Variants in TEFM observed in about 807,000 individuals in gnomAD.
TEFM encodes transcription elongation factor, mitochondrial.
TEFM carries 14 observed loss-of-function variants against 23.0 expected under a neutral mutation model. The ratio of observed to expected loss-of-function variants is 0.61; its 90% CI spans 0.40 to 0.95. The LOEUF (loss-of-function observed/expected upper bound fraction) is 0.95. Among genes scored for constraint, TEFM ranks in the 40% least tolerant of loss-of-function variants. The probability of loss-of-function intolerance (pLI) is 0.00; values close to 1 mark genes in which losing one functional copy is unlikely to be tolerated. For missense variants in TEFM, 386 were observed against 425.5 expected (o/e 0.91, Z 0.82); for synonymous variants, 155 against 158.3 (o/e 0.98, Z 0.16).
chr17:30,906,095 C>T (rs1227002876), intron 1 of TEFM, 73 bp downstream of exon 1: 2 of 1,412,360 alleles, frequency 1.4e-6, no homozygotes, highest in African/African-American at 3.0e-5. Context: ...TACCTCCCGC[C>T]GTATTCCATT....
intron 2 of TEFM, among the ~76,000 whole-genome samples, chr17:30,903,262 C>A (rs1463267530): frequency 7.9e-6 from 1 of 127,306 alleles, no homozygotes; most frequent in Non-Finnish European, 1.6e-5. Flanking sequence ...GAGTCTTGCT[C>A]TGTAGCCAGG....
At chr17:30,900,691 T>C (rs1038895406) in intron 2 of TEFM, 129 bp from the exon 3 acceptor site, 5 of 770,562 alleles carry the variant, frequency 6.5e-6, no homozygotes, top group Non-Finnish European at 9.9e-6. Context: ...AAGCTCCACC[T>C]TCTGGGTTCA....
intron 2 of TEFM, among the ~76,000 whole-genome samples, chr17:30,903,097 C>G (rs1910077172): frequency 7.5e-5 from 10 of 132,930 alleles, no homozygotes; most frequent in Admixed American, 6.6e-4. Flanking sequence ...GAGATCATGC[C>G]ACTGTACTCC....
In TEFM at chr17:30,904,178, T is replaced by G; in HGVS notation, c.383A>C (p.Gln128Pro). The G allele has an allele frequency of 6.2e-7, 1 of 1,614,194 alleles. No individual in the cohort carries two copies. The highest frequency in any genetic ancestry group is 2.2e-5 in the East Asian group (1 of 44,888). Reference protein sequence around the residue: ...VPLFKYKSTVQVCNSILCPKT... With the variant: ...VPLFKYKSTVPVCNSILCPKT... ...TGGACAAAGTATGGAGTTACAAACT[T>G]GAACTGTACTTTTATACTTAAACAA... The change falls in exon 2 of 4, where the codon CAA (glutamine) becomes CCA (proline). Residue 128 changes from glutamine (Q) to proline (P), a missense_variant. Transcript: ENST00000581216.
rs950198891 is a variant in TEFM at position 30,904,279 on chromosome 17, T to C, written c.282A>G (p.Arg94=). The C allele has an allele frequency of 1.9e-6, 3 of 1,614,108 alleles. No homozygotes were observed. The highest frequency in any genetic ancestry group is 2.2e-5 in the East Asian group (1 of 44,902). The change falls in exon 2 of 4, where the codon AGA becomes AGG. Residue 94 remains arginine (R), a synonymous_variant. Transcript: ENST00000581216. ...TGTGCTCTACGATATTGATGGACCT[T>C]CTTCCACGAAGCAATCGGAAAGCTT... The part of the protein sequence containing the change: ...ELEAFRLLRG[R]RSINIVEHRE...
chr17:30,899,740 C>A, intron 3 of TEFM, 134 bp from the exon 4 acceptor site: 1 of 614,514 alleles, frequency 1.6e-6, no homozygotes. Context: ...TTTGAAATAA[C>A]TGAAAAAGCC....
intron 2 of TEFM, among the ~76,000 whole-genome samples, chr17:30,903,728 C>T (rs1400102733): frequency 3.9e-5 from 6 of 152,088 alleles, no homozygotes; most frequent in African/African-American, 9.7e-5. Flanking sequence ...GTATCTCCAA[C>T]GACACTCCTC....
chr17:30,903,645 C>T (rs1277647190), intron 2 of TEFM, among the ~76,000 whole-genome samples: 3 of 151,532 alleles, frequency 2.0e-5, no homozygotes, highest in African/African-American at 7.3e-5. Context: ...GTTCTAAAGT[C>T]ACTCACTGGC....
rs937943158 is a variant in TEFM, at chr17:30,899,542, G to C, written c.710C>G (p.Ser237Cys). The change falls in exon 4 of 4, where the codon TCC (serine) becomes TGC (cysteine). Residue 237 changes from serine (S) to cysteine (C), a missense_variant. Transcript: ENST00000581216. ...DFYVLEKTGLSIQNSSLFPIL... is the reference protein window; with the variant it reads ...DFYVLEKTGLCIQNSSLFPIL... ...TGGAAACAGAGATGAGTTCTGAATG[G>C]AAAGTCCTGTTTTTTCCAGAACATA... 6.2e-7 allele frequency: 1 copy of C among 1,605,378 alleles called. No homozygotes were observed. Among genetic ancestry groups the C allele is most frequent in the African/African-American group, 1.3e-5 (1 of 74,570 alleles).
At chr17:30,899,822 T>G (rs1206887050) in intron 3 of TEFM, 1 of 380,814 alleles carries the variant, frequency 2.6e-6, no homozygotes, top group Admixed American at 4.1e-5. Flanking sequence ...TTAGTCCTCC[T>G]AAGTACCAGT....
chr17:30,903,136 CAAAA>C (rs1173542105), intron 2 of TEFM, among the ~76,000 whole-genome samples: 6 of 67,108 alleles, frequency 8.9e-5, no homozygotes, highest in African/African-American at 2.6e-4. Context: ...GACTCTGTCT[CAAAA>C]AAAAAAAAAA....
At chr17:30,905,135 G>T (rs1910139668) in intron 1 of TEFM, among the ~76,000 whole-genome samples, 1 of 152,160 alleles carries the variant, frequency 6.6e-6, no homozygotes, top group African/African-American at 2.4e-5. Context: ...TACCCATCAG[G>T]AAGCAAGTAG....
intron 2 of TEFM, among the ~76,000 whole-genome samples, chr17:30,903,828 T>C (rs969921724): frequency 6.6e-6 from 1 of 152,156 alleles, no homozygotes; most frequent in Non-Finnish European, 1.5e-5. Flanking sequence ...GATCTCTCTT[T>C]TAAGACCTAA....
Position 30,904,467 on chromosome 17 carries a change from A to G in TEFM, c.94T>C (p.Cys32Arg), listed in dbSNP as rs1910122605. Residue 32 changes from cysteine to arginine, a missense_variant, in exon 2 of 4, where the codon TGC becomes CGC. Transcript: ENST00000581216. ...GGTGTAGTGGATTTTTTCCGACAGC[A>G]GAAATTATGTAAGGCCCAGTACAGG... ...SSLYWALHNF[C>R]CRKKSTTPKK... 7 of 1,614,150 alleles carry G rather than the reference A, an allele frequency of 4.3e-6. No homozygotes were observed. The highest frequency in any genetic ancestry group is 5.9e-6 in the Non-Finnish European group (7 of 1,180,020).
chr17:30,905,445 G>A (rs1188273169), intron 1 of TEFM, among the ~76,000 whole-genome samples: 1 of 151,410 alleles, frequency 6.6e-6, no homozygotes, highest in Non-Finnish European at 1.5e-5. Context: ...GCTTGAGCCC[G>A]GAAGGCGGAG....
intron 1 of TEFM, among the ~76,000 whole-genome samples, chr17:30,905,482 T>G (rs1269557880): frequency 6.8e-6 from 1 of 147,938 alleles, no homozygotes; most frequent in Non-Finnish European, 1.5e-5. Flanking sequence ...ATCGCACCAT[T>G]GCACTCCAGT....
chr17:30,904,553 A>C, intron 1 of TEFM, 24 bp from the exon 2 acceptor site: 4 of 1,555,076 alleles, frequency 2.6e-6, no homozygotes, highest in Non-Finnish European at 3.5e-6. Flanking sequence ...TTAGCAAAAT[A>C]TAAGTTGGAT....
Position 30,899,026 on chromosome 17 carries a change from TA to T in TEFM, c.*142del. 3.8e-6 allele frequency: 3 copies of T among 795,892 alleles called. No individual in the cohort carries two copies. The highest frequency in any genetic ancestry group is 1.9e-5 in the South Asian group (1 of 52,068). 49.3% of individuals were successfully genotyped at this position (795,892 alleles called of 1,614,324 possible). A position where few individuals can be genotyped will look rare whatever the true frequency, so the allele number is the denominator to read the frequency against. ...ATTGATTTGGTCTTGGCTTATTGTG[TA>T]AACCATTTAATAGCCAAAAGTCAGA... is the stretch of plus-strand genomic sequence containing the variant. On this transcript the variant is annotated 3_prime_UTR_variant, in exon 4 of 4. Coordinates refer to ENST00000581216, the MANE Select transcript of TEFM (RefSeq NM_024683.4).
Position 30,899,227 on chromosome 17 carries a change from T to C in TEFM, c.1025A>G (p.Asp342Gly). ...TELQRVEELY[D>G]SLLQAIAFYE... ...GAAGGCAATAGCTTGTAATAATGAATCATAAAGCTCTTCTACTCTTTGTAG... is the reference window on the plus strand; with the variant it reads ...GAAGGCAATAGCTTGTAATAATGAACCATAAAGCTCTTCTACTCTTTGTAG... Residue 342 changes from aspartate (D) to glycine (G), a missense_variant, in exon 4 of 4, where the codon GAT (aspartate) becomes GGT (glycine). Coordinates refer to ENST00000581216, the MANE Select transcript of TEFM (RefSeq NM_024683.4). The C allele has an allele frequency of 6.2e-7, 1 of 1,613,088 alleles. No homozygotes were observed. The highest frequency in any genetic ancestry group is 8.5e-7 in the Non-Finnish European group (1 of 1,179,378).
Sources: allele counts gnomAD v4.1 joint callset (sites outside exome capture counted in the v4.1 genomes callset), GRCh38; gene constraint gnomAD v4.1.1; transcripts MANE v1.5; gene names NCBI Gene and HGNC (gene_info 2026-07-23, HGNC 2026-07-21).